The following PPP1R12B variants were observed in gnomAD, a reference collection of about 807,000 sequenced individuals.
The protein encoded by PPP1R12B is protein phosphatase 1 regulatory subunit 12B, also known as myosin phosphatase target subunit 2.
A neutral mutation model predicts 126.1 loss-of-function variants in PPP1R12B; 76 were observed. That is an observed-to-expected ratio of 0.60 (90% CI 0.50 to 0.73). The LOEUF (loss-of-function observed/expected upper bound fraction) is 0.73, where lower values mean the gene tolerates loss of function less well. PPP1R12B is among the 30% of genes least tolerant of loss of function. The probability of loss-of-function intolerance (pLI) is 0.00; values close to 1 mark genes in which losing one functional copy is unlikely to be tolerated. For synonymous variants in PPP1R12B, 356 were observed against 434.7 expected, an observed-to-expected ratio of 0.82 and a Z score of 2.25; for missense variants, 1,052 against 1,205.1, an observed-to-expected ratio of 0.87 and a Z score of 1.88.
At chr1:202,499,963 A>G (rs1230517002) in intron 18 of PPP1R12B, among the ~76,000 whole-genome samples, 7 of 152,228 alleles carry the variant, frequency 4.6e-5, no homozygotes, top group African/African-American at 1.7e-4. Flanking sequence ...CAAAAAGACA[A>G]AAAATAACAA....
intron 18 of PPP1R12B, among the ~76,000 whole-genome samples, chr1:202,530,026 T>C (rs1683765034): frequency 6.6e-6 from 1 of 152,226 alleles, no homozygotes; most frequent in South Asian, 2.1e-4. Context: ...TCATATGCTT[T>C]AAAGCTACTT....
At chr1:202,563,311 C>T (rs1252323693) in intron 20 of PPP1R12B, among the ~76,000 whole-genome samples, 1 of 152,074 alleles carries the variant, frequency 6.6e-6, no homozygotes, top group African/African-American at 2.4e-5. Flanking sequence ...GAGATTGGAT[C>T]TCACTATATT....
chr1:202,573,892 T>A lies in PPP1R12B; in HGVS notation c.2862+4695T>A, dbSNP rs1190270572. Reference sequence around the variant, plus strand: ...AGCTATAATTTCCAGAGTATGAGTCTGTTTATGAACACCTTTAAGCAGCTC... The same window carrying A: ...AGCTATAATTTCCAGAGTATGAGTCAGTTTATGAACACCTTTAAGCAGCTC... On this transcript the variant is annotated intron_variant, in intron 23 of 23. Transcript: ENST00000608999. Among the ~76,000 whole-genome samples, 7 of 152,180 alleles carry A rather than the reference T, an allele frequency of 4.6e-5. No homozygotes were observed. The East Asian group carries it at 1.3e-3, about 29-fold the overall frequency.
intron 1 of PPP1R12B, among the ~76,000 whole-genome samples, chr1:202,355,213 C>G (rs1250843922): frequency 6.6e-6 from 1 of 152,082 alleles, no homozygotes; most frequent in East Asian, 1.9e-4. Flanking sequence ...CCGTGTTCCA[C>G]TATATTTTTC....
intron 18 of PPP1R12B, among the ~76,000 whole-genome samples, chr1:202,544,719 T>C (rs1685478848): frequency 1.3e-5 from 2 of 152,252 alleles, no homozygotes; most frequent in South Asian, 4.1e-4. Flanking sequence ...TTTAAAAAAA[T>C]GACAAAAACA....
chr1:202,549,654 A>G lies in PPP1R12B; in HGVS notation c.2491-9223A>G, dbSNP rs545783658. Among the ~76,000 whole-genome samples, 9 of 152,046 alleles carry G rather than the reference A, an allele frequency of 5.9e-5. No individual in the cohort carries two copies. In the South Asian group the frequency reaches 1.9e-3, roughly 32 times the overall value. ...AGGGTGGTCTCAATCTCCTGACTTC[A>G]TGATCCACCCGCCTCGGCCTCCCAA... On this transcript the variant is annotated intron_variant, in intron 18 of 23. Coordinates refer to ENST00000608999, the MANE Select transcript of PPP1R12B (RefSeq NM_002481.4).
At chr1:202,530,093 A>G (rs1195668516) in intron 18 of PPP1R12B, among the ~76,000 whole-genome samples, 2 of 152,210 alleles carry the variant, frequency 1.3e-5, no homozygotes, top group Admixed American at 1.3e-4. Flanking sequence ...AGCTAATCAA[A>G]AAAGATATAA....
intron 13 of PPP1R12B, among the ~76,000 whole-genome samples, chr1:202,475,677 G>A (rs921433774): frequency 6.6e-6 from 1 of 152,040 alleles, no homozygotes; most frequent in Non-Finnish European, 1.5e-5. Flanking sequence ...TGACTCATCC[G>A]TAAAATAGGA....
chr1:202,445,768 G>C (rs1672151772), intron 12 of PPP1R12B, among the ~76,000 whole-genome samples: 1 of 152,122 alleles, frequency 6.6e-6, no homozygotes, highest in South Asian at 2.1e-4. Context: ...TGTGTTGTGG[G>C]GGCAGTATCT....
At chr1:202,478,018 T>G (rs1676889577) in intron 13 of PPP1R12B, among the ~76,000 whole-genome samples, 1 of 152,202 alleles carries the variant, frequency 6.6e-6, no homozygotes, top group Admixed American at 6.5e-5. Flanking sequence ...TTATTTTTAT[T>G]TCTGTTTTGT....
chr1:202,401,883 CAGTTG>C (rs1665894908), intron 1 of PPP1R12B, among the ~76,000 whole-genome samples: 1 of 152,064 alleles, frequency 6.6e-6, no homozygotes, highest in African/African-American at 2.4e-5. Context: ...ATAAATGAGA[CAGTTG>C]AGACAGATTG....
At chr1:202,532,357 T>A (rs1684046869) in intron 18 of PPP1R12B, among the ~76,000 whole-genome samples, 1 of 152,212 alleles carries the variant, frequency 6.6e-6, no homozygotes, top group Admixed American at 6.5e-5. Context: ...GCTGACCTCC[T>A]GTCTCATCCT....
chr1:202,580,353 A>G, intron 23 of PPP1R12B, 121 bp from the exon 24 acceptor site: 1 of 688,000 alleles, frequency 1.5e-6, no homozygotes, highest in East Asian at 2.6e-5. Context: ...AGGGACCATG[A>G]GAGTTTATTC....
chr1:202,568,705 T>C (rs962902171), intron 22 of PPP1R12B, among the ~76,000 whole-genome samples: 1 of 152,172 alleles, frequency 6.6e-6, no homozygotes, highest in South Asian at 2.1e-4. Flanking sequence ...TGATGTCTAC[T>C]TCCCGGCTCA....
intron 21 of PPP1R12B, 119 bp from the exon 22 acceptor site, chr1:202,567,659 G>A (rs905315814): frequency 4.7e-5 from 48 of 1,026,500 alleles, no homozygotes; most frequent in Middle Eastern, 2.5e-4. Context: ...TGCTATAGGG[G>A]AAGTCCAAAG....
At chr1:202,403,331 A>G (rs556971894) in intron 1 of PPP1R12B, among the ~76,000 whole-genome samples, 17 of 152,384 alleles carry the variant, frequency 1.1e-4, no homozygotes, top group Middle Eastern at 6.8e-3. Context: ...TTAAAATACC[A>G]TATGGGCCAA....
Position 202,365,436 on chromosome 1 carries a change from GA to G in PPP1R12B, c.291+16305del, listed in dbSNP as rs797003355. Among the ~76,000 whole-genome samples the G allele has an allele frequency of 1.2e-3, 167 of 142,454 alleles. 1 individual carries two copies. Among genetic ancestry groups the G allele is most frequent in the African/African-American group, 2.1e-3 (81 of 38,838 alleles). 93.5% of individuals were successfully genotyped at this position (142,454 alleles called of 152,430 possible). A position where few individuals can be genotyped will look rare whatever the true frequency, so the allele number is the denominator to read the frequency against. On this transcript the variant is annotated intron_variant, in intron 1 of 23. Coordinates refer to ENST00000608999, the MANE Select transcript of PPP1R12B (RefSeq NM_002481.4). ...ACAGAGTGAGACAGTCTCTAAAAAA[GA>G]AAAAAAAAAAGTAATTTTTACTGAG... is the stretch of plus-strand genomic sequence containing the variant.
chr1:202,538,476 G>C (rs1684777571), intron 18 of PPP1R12B, among the ~76,000 whole-genome samples: 1 of 152,178 alleles, frequency 6.6e-6, no homozygotes, highest in African/African-American at 2.4e-5. Flanking sequence ...CCAAGTAGTT[G>C]ATCACTTCCC....
At chr1:202,449,889 T>C (rs1672720634) in intron 13 of PPP1R12B, among the ~76,000 whole-genome samples, 1 of 151,856 alleles carries the variant, frequency 6.6e-6, no homozygotes, top group Admixed American at 6.6e-5. Flanking sequence ...GGTTTCACCA[T>C]GTTAGCCAGG....
Sources: gnomAD v4.1 joint callset for allele counts (sites outside exome capture counted in the v4.1 genomes callset) on GRCh38, gnomAD v4.1.1 for gene constraint, MANE v1.5 for transcripts, NCBI Gene and HGNC (gene_info 2026-07-23, HGNC 2026-07-21) for gene names.